KLHL32: variants seen among roughly 807,000 people sequenced by gnomAD.
The protein encoded by KLHL32 is kelch like family member 32.
KLHL32 carries 35 observed loss-of-function variants against 64.8 expected under a neutral mutation model. The ratio of observed to expected loss-of-function variants is 0.54; its 90% CI spans 0.41 to 0.72. The LOEUF (loss-of-function observed/expected upper bound fraction) is 0.72, where lower values mean the gene tolerates loss of function less well. Among genes scored for constraint, KLHL32 ranks in the 30% least tolerant of loss-of-function variants. The probability of loss-of-function intolerance (pLI) is 0.00; values close to 1 mark genes in which losing one functional copy is unlikely to be tolerated. For missense variants in KLHL32, 589 were observed against 768.5 expected (o/e 0.77, Z 2.76); for synonymous variants, 259 against 281.0 (o/e 0.92, Z 0.78).
intron 3 of KLHL32, among the ~76,000 whole-genome samples, chr6:97,017,529 G>T (rs925301888): frequency 1.8e-4 from 27 of 152,208 alleles, no homozygotes; most frequent in African/African-American, 6.5e-4. Context: ...GTGGAAAAAA[G>T]GATGGAAGAC....
chr6:96,967,148 C>T, intron 2 of KLHL32, 65 bp downstream of exon 2: 3 of 1,455,106 alleles, frequency 2.1e-6, no homozygotes, highest in Non-Finnish European at 1.9e-6. Context: ...ATTGCACGTT[C>T]TAGGATCAAG....
intron 5 of KLHL32, among the ~76,000 whole-genome samples, chr6:97,070,948 G>A (rs1234964573): frequency 2.0e-5 from 3 of 152,060 alleles, no homozygotes; most frequent in Admixed American, 2.0e-4. Flanking sequence ...TCTAGTCATG[G>A]TGAAATGTCT....
intron 1 of KLHL32, among the ~76,000 whole-genome samples, chr6:96,948,168 G>A (rs370649171): frequency 4.2e-4 from 64 of 152,286 alleles, no homozygotes; most frequent in African/African-American, 1.2e-3. Flanking sequence ...TAGCTATTCC[G>A]TGTTACTAAT....
chr6:96,900,670 T>C, the KLHL32 span, among the ~76,000 whole-genome samples: 4 of 152,318 alleles, frequency 2.6e-5, no homozygotes, highest in African/African-American at 9.6e-5. Flanking sequence ...ACTCCTTCTT[T>C]TGAACATAAT....
chr6:96,930,981 G>A (rs530225693), intron 1 of KLHL32, among the ~76,000 whole-genome samples: 8 of 152,190 alleles, frequency 5.3e-5, no homozygotes, highest in Admixed American at 3.3e-4. Flanking sequence ...AGTACCTGGC[G>A]GGTACAGACC....
In KLHL32 at chr6:97,039,570, C is replaced by A. The variant is rs921984956; in HGVS notation, c.205-1922C>A. Among the ~76,000 whole-genome samples the A allele has an allele frequency of 6.6e-5, 7 of 106,636 alleles. 1 individual carries two copies. Among genetic ancestry groups the A allele is most frequent in the African/African-American group, 2.8e-4 (6 of 21,388 alleles). 70.0% of individuals were successfully genotyped at this position (106,636 alleles called of 152,430 possible). Reference sequence around the variant, plus strand: ...GGCGCAGTGGTTCACGCCTGTAATCCCAGCACTTTGGGAGGCTGAGGCAGG... The same window carrying A: ...GGCGCAGTGGTTCACGCCTGTAATCACAGCACTTTGGGAGGCTGAGGCAGG... On this transcript the variant is annotated intron_variant, in intron 3 of 10. Transcript: ENST00000369261.
chr6:97,028,471 T>C (rs557260849), intron 3 of KLHL32, among the ~76,000 whole-genome samples: 1 of 152,354 alleles, frequency 6.6e-6, no homozygotes, highest in South Asian at 2.1e-4. Context: ...TCCCCCTCTC[T>C]GTCTCCTCAG....
At chr6:97,036,325 T>C (rs190218793) in intron 3 of KLHL32, among the ~76,000 whole-genome samples, 2 of 152,348 alleles carry the variant, frequency 1.3e-5, no homozygotes, top group East Asian at 3.9e-4. Flanking sequence ...GATAATTTCT[T>C]AAAACAATAA....
chr6:96,969,382 A>G (rs1774864473), intron 2 of KLHL32, among the ~76,000 whole-genome samples: 1 of 152,086 alleles, frequency 6.6e-6, no homozygotes, highest in African/African-American at 2.4e-5. Flanking sequence ...ACTTTCTACC[A>G]ACCCATCCAG....
At chr6:96,970,093 T>C (rs2128037720) in intron 2 of KLHL32, among the ~76,000 whole-genome samples, 1 of 152,332 alleles carries the variant, frequency 6.6e-6, no homozygotes, top group Middle Eastern at 3.4e-3. Flanking sequence ...AAATAGCTTT[T>C]AATCCCATTC....
chr6:97,105,087 A>AT (rs772560971), intron 6 of KLHL32, among the ~76,000 whole-genome samples: 10 of 152,164 alleles, frequency 6.6e-5, no homozygotes, highest in Non-Finnish European at 1.0e-4. Flanking sequence ...GAAACATCAC[A>AT]TTTTTAAAGA....
At chr6:96,988,058 C>T (rs976040923) in intron 3 of KLHL32, among the ~76,000 whole-genome samples, 46 of 152,284 alleles carry the variant, frequency 3.0e-4, no homozygotes, top group African/African-American at 1.1e-3. Context: ...GACTTCATGT[C>T]TAAAACACCA....
intron 1 of KLHL32, among the ~76,000 whole-genome samples, chr6:96,953,133 A>G (rs1285113754): frequency 1.3e-5 from 2 of 152,218 alleles, no homozygotes; most frequent in African/African-American, 4.8e-5. Context: ...GTCTTGGTGA[A>G]TTAGTTTTGT....
upstream of KLHL32, among the ~76,000 whole-genome samples, chr6:96,922,873 A>C (rs1307147947): frequency 3.3e-5 from 5 of 152,218 alleles, no homozygotes; most frequent in Admixed American, 2.6e-4. Context: ...TTAAGACAAA[A>C]TATAAACTTT....
chr6:96,996,153 A>G (rs1778398788), intron 3 of KLHL32, among the ~76,000 whole-genome samples: 1 of 152,252 alleles, frequency 6.6e-6, no homozygotes, highest in African/African-American at 2.4e-5. Context: ...GCTGTTGTCT[A>G]ACATTTGCTA....
At chr6:96,960,705 A>G (rs964577095) in intron 1 of KLHL32, among the ~76,000 whole-genome samples, 1 of 152,200 alleles carries the variant, frequency 6.6e-6, no homozygotes, top group Non-Finnish European at 1.5e-5. Flanking sequence ...CAAGGTGTTC[A>G]GGATACAGTT....
At chr6:96,978,974 C>T (rs1292840524) in intron 3 of KLHL32, among the ~76,000 whole-genome samples, 2 of 151,960 alleles carry the variant, frequency 1.3e-5, no homozygotes, top group South Asian at 2.1e-4. Context: ...ATGTCTTTTG[C>T]CCCCTTTTTT....
chr6:97,069,759 A>G (rs1246800241), intron 5 of KLHL32, among the ~76,000 whole-genome samples: 2 of 152,120 alleles, frequency 1.3e-5, no homozygotes, highest in African/African-American at 4.8e-5. Flanking sequence ...GGAAAAATAT[A>G]CTACCAGCCT....
At chr6:96,994,069 A>C (rs979519012) in intron 3 of KLHL32, among the ~76,000 whole-genome samples, 1 of 152,232 alleles carries the variant, frequency 6.6e-6, no homozygotes, top group Non-Finnish European at 1.5e-5. Flanking sequence ...GCTGTTTGCT[A>C]TAGAAACATC....
Sources: allele counts gnomAD v4.1 joint callset (sites outside exome capture counted in the v4.1 genomes callset), GRCh38; gene constraint gnomAD v4.1.1; transcripts MANE v1.5; gene names NCBI Gene and HGNC (gene_info 2026-07-23, HGNC 2026-07-21).